CDC16: variants seen among roughly 807,000 people sequenced by gnomAD.
The protein encoded by CDC16 is cell division cycle protein 16 homolog.
A neutral mutation model predicts 87.0 loss-of-function variants in CDC16; 34 were observed. The observed-to-expected ratio is 0.39, with a 90% CI of 0.30 to 0.52. The LOEUF is 0.52. Among genes scored for constraint, CDC16 ranks in the 20% least tolerant of loss-of-function variants. The pLI is 0.74. For synonymous variants in CDC16, 263 were observed against 260.6 expected, an observed-to-expected ratio of 1.01 and a Z score of -0.09; for missense variants, 653 against 751.9, an observed-to-expected ratio of 0.87 and a Z score of 1.54.
At chr13:114,263,767 T>G (rs17291494) in intron 16 of CDC16, among the ~76,000 whole-genome samples, 1,910 of 152,302 alleles carry the variant, frequency 0.013, 96 homozygotes, top group Admixed American at 0.081. Context: ...CCTCTCAGTC[T>G]GCTAAAGTGT....
chr13:114,242,413 C>T (rs910916607), intron 6 of CDC16, 133 bp downstream of exon 6: 4 of 774,286 alleles, frequency 5.2e-6, no homozygotes, highest in South Asian at 1.8e-5. Flanking sequence ...TTCTTAATGT[C>T]TTCAAATGTA....
At chr13:114,263,903 T>C (rs2083018623) in intron 16 of CDC16, among the ~76,000 whole-genome samples, 1 of 152,208 alleles carries the variant, frequency 6.6e-6, no homozygotes, top group Non-Finnish European at 1.5e-5. Flanking sequence ...GTTACCCATA[T>C]CACAGTGGTG....
intron 3 of CDC16, 104 bp downstream of exon 3, chr13:114,237,000 C>A (rs2081285224): frequency 3.2e-6 from 2 of 630,040 alleles, no homozygotes; most frequent in Non-Finnish European, 5.1e-6. Flanking sequence ...CTTTGGAAAG[C>A]CAAGGCAGGT....
chr13:114,239,239 C>T (rs1258511557), intron 4 of CDC16, 111 bp from the exon 5 acceptor site: 3 of 1,471,474 alleles, frequency 2.0e-6, no homozygotes, highest in South Asian at 1.4e-5. Context: ...CTACTTTAGA[C>T]ATTTCACATT....
chr13:114,253,740 T>C (rs755672251), intron 12 of CDC16, among the ~76,000 whole-genome samples: 7 of 151,980 alleles, frequency 4.6e-5, no homozygotes, highest in African/African-American at 7.3e-5. Context: ...AGCCATTCTA[T>C]AGATTGTTCC....
chr13:114,248,181 AATGTC>A (rs2081971565), intron 11 of CDC16, among the ~76,000 whole-genome samples: 1 of 152,216 alleles, frequency 6.6e-6, no homozygotes, highest in African/African-American at 2.4e-5. Flanking sequence ...AGTTTAGAAA[AATGTC>A]AAGTATGTGA....
chr13:114,243,788 C>G (rs528484188), intron 7 of CDC16, 68 bp from the exon 8 acceptor site: 26 of 1,373,896 alleles, frequency 1.9e-5, no homozygotes, highest in Non-Finnish European at 2.5e-5. Flanking sequence ...GGGCCAAACA[C>G]AAATTGAATC....
chr13:114,263,155 A>G lies in CDC16; in HGVS notation c.1512+141A>G, dbSNP rs888383074. The G allele has an allele frequency of 2.1e-5, 15 of 718,084 alleles. No homozygotes were observed. The African/African-American group carries it at 2.7e-4, about 13-fold the overall frequency. 44.5% of individuals were successfully genotyped at this position (718,084 alleles called of 1,614,324 possible). On this transcript the variant is annotated intron_variant, in intron 16 of 17. Transcript: ENST00000356221. The stretch of plus-strand genomic sequence containing the variant: ...TTACGTGTTATTCTTTTCTTTGCAG[A>G]GAAAAGCATGTGGGTGTTGTACAGT...
At chr13:114,261,485 C>T (rs555722165) in intron 14 of CDC16, among the ~76,000 whole-genome samples, 2 of 152,014 alleles carry the variant, frequency 1.3e-5, no homozygotes, top group East Asian at 3.9e-4. Flanking sequence ...CACTCAGAAG[C>T]AGTGAGGTCA....
chr13:114,244,482 T>TA (rs2081738508), intron 8 of CDC16: 1 of 162,296 alleles, frequency 6.2e-6, no homozygotes, highest in Admixed American at 6.4e-5. Context: ...CAAATACACA[T>TA]AACCTATTTA....
rs748949046 is a variant in CDC16, at chr13:114,259,348, G to A, written c.1264G>A (p.Glu422Lys). 3.9e-5 allele frequency: 62 copies of A among 1,571,084 alleles called. No individual in the cohort carries two copies. Among genetic ancestry groups the A allele is most frequent in the Admixed American group, 8.5e-5 (4 of 47,224 alleles). ...AFQNGEWKTA[E>K]KWFLDALEKI... ...CTTTCATTTTAGATGGAAAACAGCC[G>A]AAAAATGGTTTCTTGATGCTTTGGA... Residue 422 changes from glutamate to lysine, a missense_variant, in exon 14 of 18, where the codon GAA becomes AAA. Coordinates refer to ENST00000356221, the MANE Select transcript of CDC16 (RefSeq NM_001078645.3).
intron 17 of CDC16, among the ~76,000 whole-genome samples, chr13:114,267,437 G>GT (rs2083299175): frequency 6.6e-6 from 1 of 151,982 alleles, no homozygotes; most frequent in Admixed American, 6.6e-5. Flanking sequence ...GGAGGCAGAG[G>GT]TTGCAGTGAG....
rs776330880 is a variant in CDC16, at chr13:114,235,166, G to A, written c.48+34G>A. On this transcript the variant is annotated intron_variant, in intron 1 of 17. Coordinates refer to ENST00000356221, the MANE Select transcript of CDC16 (RefSeq NM_001078645.3). ...CCCCGACTCGGGGTGCGGGGCCCAG[G>A]CCTCGCCGGGTCTTTTTCCGCGCGG... is the stretch of plus-strand genomic sequence containing the variant. 1.3e-4 allele frequency: 164 copies of A among 1,229,866 alleles called. No individual in the cohort carries two copies. In the Middle Eastern group the frequency reaches 1.6e-3, roughly 12 times the overall value. 76.2% of individuals were successfully genotyped at this position (1,229,866 alleles called of 1,614,324 possible). A position where few individuals can be genotyped will look rare whatever the true frequency, so the allele number is the denominator to read the frequency against.
In CDC16 at chr13:114,272,475, A is replaced by G. The variant is rs1346220517; in HGVS notation, c.*32A>G. On this transcript the variant is annotated 3_prime_UTR_variant, in exon 18 of 18. Transcript: ENST00000356221. ...TCAGTGGTCCTGGTCCCACTGTCCC[A>G]GTGTAGGTTAGTATTCCTTCACATC... The G allele has an allele frequency of 1.3e-6, 2 of 1,593,728 alleles. No individual in the cohort carries two copies. The highest frequency in any genetic ancestry group is 1.1e-5 in the South Asian group (1 of 89,074).
At chr13:114,240,974 C>T (rs1164431918) in intron 5 of CDC16, among the ~76,000 whole-genome samples, 2 of 152,088 alleles carry the variant, frequency 1.3e-5, no homozygotes, top group Admixed American at 6.5e-5. Context: ...TTGCTTAGTT[C>T]GAAGACTCTC....
At chr13:114,266,980 G>C (rs908516685) in intron 17 of CDC16, among the ~76,000 whole-genome samples, 1 of 152,114 alleles carries the variant, frequency 6.6e-6, no homozygotes, top group Non-Finnish European at 1.5e-5. Flanking sequence ...ACAGGCGTGA[G>C]CCACCATGTC....
At chr13:114,259,278 T>A (rs1310840538) in intron 13 of CDC16, 57 bp from the exon 14 acceptor site, 2 of 1,313,840 alleles carry the variant, frequency 1.5e-6, no homozygotes, top group East Asian at 2.5e-5. Context: ...AAAATTTTTT[T>A]AAAGTTTATA....
chr13:114,243,485 A>T, intron 7 of CDC16, 137 bp downstream of exon 7: 1 of 513,418 alleles, frequency 1.9e-6, no homozygotes, highest in Non-Finnish European at 3.4e-6. Context: ...AGCGTTTAAG[A>T]TACATAAGAT....
At chr13:114,240,033 T>C (rs780135830) in intron 5 of CDC16, among the ~76,000 whole-genome samples, 4 of 152,198 alleles carry the variant, frequency 2.6e-5, no homozygotes, top group Non-Finnish European at 4.4e-5. Flanking sequence ...TAAAAACTTA[T>C]TGAGGTATAA....
Sources: gnomAD v4.1 joint callset for allele counts (sites outside exome capture counted in the v4.1 genomes callset) on GRCh38, gnomAD v4.1.1 for gene constraint, MANE v1.5 for transcripts, NCBI Gene and HGNC (gene_info 2026-07-23, HGNC 2026-07-21) for gene names.